LRBA: variants seen among roughly 807,000 people sequenced by gnomAD.
LRBA encodes LPS responsive beige-like anchor protein.
Under a neutral mutation model 330.0 loss-of-function variants are expected in LRBA, and 176 were observed. The ratio of observed to expected loss-of-function variants is 0.53; its 90% CI spans 0.47 to 0.60. The LOEUF is 0.60. Ranked by LOEUF, LRBA falls within the 20% of genes least tolerant of loss-of-function variation. LRBA has a pLI of 0.00. For synonymous variants in LRBA, 1,230 were observed against 1,193.0 expected (o/e 1.03, Z -0.64); for missense variants, 3,259 against 3,444.8 (o/e 0.95, Z 1.35).
chr4:150,425,098 A>G (rs1193558174), intron 46 of LRBA, among the ~76,000 whole-genome samples: 2 of 152,362 alleles, frequency 1.3e-5, no homozygotes, highest in East Asian at 3.9e-4. Context: ...TCTAAGAACC[A>G]TATCTTGATA....
intron 2 of LRBA, among the ~76,000 whole-genome samples, chr4:150,995,035 G>A (rs1742486574): frequency 6.6e-6 from 1 of 151,932 alleles, no homozygotes; most frequent in Non-Finnish European, 1.5e-5. Flanking sequence ...TGGATGAACT[G>A]CAGAGGAGGG....
At chr4:150,459,026 G>A (rs1281127998) in intron 44 of LRBA, among the ~76,000 whole-genome samples, 2 of 151,882 alleles carry the variant, frequency 1.3e-5, no homozygotes, top group Admixed American at 6.6e-5. Context: ...AATCAAGTGG[G>A]CTCGAAGTAG....
At chr4:150,660,503 G>A (rs1430339589) in intron 37 of LRBA, among the ~76,000 whole-genome samples, 5 of 151,372 alleles carry the variant, frequency 3.3e-5, no homozygotes, top group South Asian at 2.1e-4. Flanking sequence ...CCCCCCGCCC[G>A]GCCAGCCGCC....
At chr4:150,741,416 T>C (rs1345369716) in intron 35 of LRBA, among the ~76,000 whole-genome samples, 2 of 152,136 alleles carry the variant, frequency 1.3e-5, no homozygotes, top group African/African-American at 4.8e-5. Flanking sequence ...TTGTTCAGGA[T>C]TACTAGTCAT....
intron 2 of LRBA, among the ~76,000 whole-genome samples, chr4:151,005,544 A>AAAATAAT (rs1743950095): frequency 6.6e-6 from 1 of 150,900 alleles, no homozygotes; most frequent in African/African-American, 2.4e-5. Flanking sequence ...GAGACTTTTG[A>AAAATAAT]AAATAATGAC....
At chr4:150,981,291 T>TA (rs1244206809) in intron 2 of LRBA, among the ~76,000 whole-genome samples, 6 of 151,556 alleles carry the variant, frequency 4.0e-5, no homozygotes, top group South Asian at 4.2e-4. Context: ...CATGCACCTG[T>TA]AGTCCCAGCT....
At chr4:150,408,905 G>A (rs1453268199) in intron 47 of LRBA, among the ~76,000 whole-genome samples, 2 of 151,492 alleles carry the variant, frequency 1.3e-5, no homozygotes, top group Admixed American at 1.3e-4. Context: ...CTTTCATTTT[G>A]TTTGTGGCAT....
intron 37 of LRBA, among the ~76,000 whole-genome samples, chr4:150,645,707 C>T (rs1209886632): frequency 5.9e-5 from 9 of 151,788 alleles, no homozygotes; most frequent in Non-Finnish European, 1.0e-4. Context: ...TAAACATGCT[C>T]AATTAACATC....
At chr4:150,973,501 C>G (rs1739813070) in intron 2 of LRBA, among the ~76,000 whole-genome samples, 1 of 152,092 alleles carries the variant, frequency 6.6e-6, no homozygotes, top group Non-Finnish European at 1.5e-5. Context: ...ATTAATCAGT[C>G]TAGTTATCAA....
intron 34 of LRBA, among the ~76,000 whole-genome samples, chr4:150,766,018 T>A (rs147923585): frequency 6.6e-6 from 1 of 152,086 alleles, no homozygotes; most frequent in Non-Finnish European, 1.5e-5. Context: ...ACATATATAA[T>A]TGAAGAAGTT....
At chr4:150,665,534 G>GA (rs200913464) in intron 37 of LRBA, among the ~76,000 whole-genome samples, 329 of 149,640 alleles carry the variant, frequency 2.2e-3, no homozygotes, top group Non-Finnish European at 3.8e-3. Flanking sequence ...ATCATGCCAA[G>GA]AAAAAAAAAA....
At chr4:150,899,845 C>A (rs911985313) in intron 14 of LRBA, among the ~76,000 whole-genome samples, 2 of 152,042 alleles carry the variant, frequency 1.3e-5, no homozygotes, top group African/African-American at 4.8e-5. Context: ...TAGTATTCTT[C>A]CACACAAGTA....
chr4:150,348,645 T>C (rs1736729668), intron 48 of LRBA, among the ~76,000 whole-genome samples: 1 of 152,156 alleles, frequency 6.6e-6, no homozygotes, highest in Non-Finnish European at 1.5e-5. Flanking sequence ...ATCAGCTATG[T>C]AGAGATATGG....
chr4:150,593,981 AT>A (rs1291244240), intron 38 of LRBA, among the ~76,000 whole-genome samples: 1 of 152,170 alleles, frequency 6.6e-6, no homozygotes, highest in Non-Finnish European at 1.5e-5. Context: ...CATGCTGCCT[AT>A]ATTAAAACAC....
intron 28 of LRBA, among the ~76,000 whole-genome samples, chr4:150,836,420 C>G (rs1748088004): frequency 6.6e-6 from 1 of 152,164 alleles, no homozygotes. Context: ...AGCTGTGAAT[C>G]CATCTGGTCC....
intron 34 of LRBA, among the ~76,000 whole-genome samples, chr4:150,765,157 A>T (rs1402237916): frequency 1.3e-5 from 2 of 152,070 alleles, no homozygotes; most frequent in Admixed American, 1.3e-4. Flanking sequence ...TAAGAGAAAG[A>T]AACTAATATG....
chr4:150,934,929 A>G (rs1481583332), intron 2 of LRBA, among the ~76,000 whole-genome samples: 1 of 151,388 alleles, frequency 6.6e-6, no homozygotes, highest in African/African-American at 2.4e-5. Flanking sequence ...AATCGCTTGA[A>G]CCTGGGAGGT....
intron 17 of LRBA, among the ~76,000 whole-genome samples, chr4:150,885,129 G>C (rs1203766536): frequency 6.9e-6 from 1 of 144,444 alleles, no homozygotes; most frequent in Admixed American, 6.9e-5. Context: ...AAAAAAATGG[G>C]AACACAAATT....
chr4:150,927,944 A>G (rs572084013), intron 4 of LRBA, among the ~76,000 whole-genome samples: 24 of 152,336 alleles, frequency 1.6e-4, no homozygotes, highest in South Asian at 6.2e-4. Flanking sequence ...GGGCACTAAA[A>G]TAAGATTGGA....
Sources: gnomAD v4.1 joint callset for allele counts (sites outside exome capture counted in the v4.1 genomes callset) on GRCh38, gnomAD v4.1.1 for gene constraint, MANE v1.5 for transcripts, NCBI Gene and HGNC (gene_info 2026-07-23, HGNC 2026-07-21) for gene names.